Variants in LDLRAD4 observed in about 807,000 individuals in gnomAD.
LDLRAD4 encodes the protein low density lipoprotein receptor class A domain containing 4.
A neutral mutation model predicts 17.0 loss-of-function variants in LDLRAD4; 5 were observed. The observed-to-expected ratio is 0.29, with a 90% CI of 0.15 to 0.62. The LOEUF (loss-of-function observed/expected upper bound fraction) is 0.62. Among genes scored for constraint, LDLRAD4 ranks in the 20% least tolerant of loss-of-function variants. LDLRAD4 has a pLI of 0.84. For missense variants in LDLRAD4, 340 were observed against 424.7 expected, an observed-to-expected ratio of 0.80 and a Z score of 1.75; for synonymous variants, 168 against 171.8, an observed-to-expected ratio of 0.98 and a Z score of 0.17.
At chr18:13,527,934 A>C (rs2094059641) in intron 3 of LDLRAD4, among the ~76,000 whole-genome samples, 2 of 152,126 alleles carry the variant, frequency 1.3e-5, no homozygotes, top group African/African-American at 4.8e-5. Flanking sequence ...CTCCTGCTTT[A>C]GCCTGGCTTG....
intron 3 of LDLRAD4, among the ~76,000 whole-genome samples, chr18:13,608,515 G>A (rs2095246579): frequency 1.3e-5 from 2 of 152,176 alleles, no homozygotes; most frequent in South Asian, 4.1e-4. Flanking sequence ...AATGAGCTCT[G>A]AGTAGCCGCT....
chr18:13,259,165 C>G (rs1390771773), intron 1 of LDLRAD4, among the ~76,000 whole-genome samples: 1 of 152,116 alleles, frequency 6.6e-6, no homozygotes, highest in Non-Finnish European at 1.5e-5. Flanking sequence ...TCCTTCCTTC[C>G]TTCGTCCTCC....
intron 1 of LDLRAD4, among the ~76,000 whole-genome samples, chr18:13,352,879 A>G (rs1346635145): frequency 6.6e-6 from 1 of 152,082 alleles, no homozygotes. Flanking sequence ...CTCCTGTAAT[A>G]TATTTTTGAA....
chr18:13,563,509 C>T (rs760481572), intron 3 of LDLRAD4, among the ~76,000 whole-genome samples: 1 of 152,164 alleles, frequency 6.6e-6, no homozygotes, highest in Admixed American at 6.5e-5. Context: ...TCTTCATTTG[C>T]GGAGGGTGAG....
chr18:13,399,750 G>A (rs997748306), intron 2 of LDLRAD4, among the ~76,000 whole-genome samples: 5 of 152,194 alleles, frequency 3.3e-5, no homozygotes, highest in African/African-American at 9.7e-5. Context: ...GTAAACTCAC[G>A]TGAACATATG....
chr18:13,419,399 A>C (rs899478540), intron 2 of LDLRAD4: 21 of 152,094 alleles, frequency 1.4e-4, no homozygotes, highest in African/African-American at 5.1e-4. Flanking sequence ...TATCTTGGAG[A>C]TTTTTATTTT....
At chr18:13,291,618 C>G (rs1343503779) in intron 1 of LDLRAD4, among the ~76,000 whole-genome samples, 1 of 152,096 alleles carries the variant, frequency 6.6e-6, no homozygotes, top group African/African-American at 2.4e-5. Context: ...CCGTCTGAAT[C>G]CCAGCTGAGT....
At chr18:13,243,047 C>T (rs572033576) in intron 1 of LDLRAD4, among the ~76,000 whole-genome samples, 1 of 152,386 alleles carries the variant, frequency 6.6e-6, no homozygotes, top group Non-Finnish European at 1.5e-5. Flanking sequence ...TCTGCAGCAG[C>T]TGAGTGTCTT....
intron 1 of LDLRAD4, chr18:13,279,409 C>G (rs1482591837): frequency 4.6e-5 from 7 of 152,166 alleles, no homozygotes; most frequent in Admixed American, 4.6e-4. Flanking sequence ...CTGACAAAAG[C>G]GTGGGTGCAG....
At chr18:13,636,243 C>T (rs2042069768) in intron 4 of LDLRAD4, among the ~76,000 whole-genome samples, 1 of 151,974 alleles carries the variant, frequency 6.6e-6, no homozygotes, top group Non-Finnish European at 1.5e-5. Flanking sequence ...TGCTCAAGTC[C>T]CGCAGTCTGT....
chr18:13,506,669 A>G (rs1460888992), intron 3 of LDLRAD4, among the ~76,000 whole-genome samples: 2 of 152,286 alleles, frequency 1.3e-5, no homozygotes, highest in East Asian at 3.9e-4. Context: ...ATAGCCCTCT[A>G]TTGGAAGAAG....
chr18:13,412,063 C>CGTTT (rs2070389783), intron 2 of LDLRAD4, among the ~76,000 whole-genome samples: 1 of 152,130 alleles, frequency 6.6e-6, no homozygotes, highest in African/African-American at 2.4e-5. Context: ...AGGCTGGTCT[C>CGTTT]AAACTCCTGG....
chr18:13,613,498 GAGGGATA>G (rs2039794444), intron 3 of LDLRAD4: 1 of 152,250 alleles, frequency 6.6e-6, no homozygotes, highest in African/African-American at 2.4e-5. Context: ...TAGCATGGCA[GAGGGATA>G]GACTTTTAAA....
chr18:13,412,482 A>G (rs969486226), intron 2 of LDLRAD4, among the ~76,000 whole-genome samples: 1 of 152,168 alleles, frequency 6.6e-6, no homozygotes, highest in Non-Finnish European at 1.5e-5. Context: ...TGGTGTTTCT[A>G]TTTGAATGAA....
intron 1 of LDLRAD4, among the ~76,000 whole-genome samples, chr18:13,225,529 G>T (rs1244766416): frequency 6.6e-6 from 1 of 152,202 alleles, no homozygotes; most frequent in East Asian, 1.9e-4. Flanking sequence ...TCCTGGTCTG[G>T]GCCCTGTCCA....
intron 3 of LDLRAD4, among the ~76,000 whole-genome samples, chr18:13,483,572 T>C (rs2093147855): frequency 1.3e-5 from 2 of 152,178 alleles, no homozygotes; most frequent in Admixed American, 6.5e-5. Context: ...GGCTGAGGCA[T>C]GTGGGTGCTG....
chr18:13,430,472 CA>C (rs2090257032), intron 2 of LDLRAD4, among the ~76,000 whole-genome samples: 1 of 152,192 alleles, frequency 6.6e-6, no homozygotes, highest in African/African-American at 2.4e-5. Context: ...CTCAGCAAGG[CA>C]TACAAGGCTC....
chr18:13,520,850 GAAAA>G (rs11292461), intron 3 of LDLRAD4: 1 of 148,934 alleles, frequency 6.7e-6, no homozygotes, highest in Non-Finnish European at 1.5e-5. Flanking sequence ...GAGACTGTCT[GAAAA>G]AAAAAAAGCC....
intron 3 of LDLRAD4, among the ~76,000 whole-genome samples, chr18:13,496,491 T>C (rs59032032): frequency 0.085 from 12,908 of 152,248 alleles, 594 homozygotes; most frequent in East Asian, 0.22. Flanking sequence ...CCTAAATCTT[T>C]CGTGTGGAAG....
Sources: gnomAD v4.1 joint callset for allele counts (sites outside exome capture counted in the v4.1 genomes callset) on GRCh38, gnomAD v4.1.1 for gene constraint, MANE v1.5 for transcripts, NCBI Gene and HGNC (gene_info 2026-07-23, HGNC 2026-07-21) for gene names.